The following EDC3 variants were observed in gnomAD, a reference collection of about 807,000 sequenced individuals.
EDC3 encodes enhancer of mRNA-decapping protein 3.
Under a neutral mutation model 41.8 loss-of-function variants are expected in EDC3, and 20 were observed. The ratio of observed to expected loss-of-function variants is 0.48; its 90% CI spans 0.34 to 0.70. EDC3 has a LOEUF of 0.70. Ranked by LOEUF, EDC3 falls within the 30% of genes least tolerant of loss-of-function variation. The pLI is 0.01. For synonymous variants in EDC3, 206 were observed against 243.2 expected (o/e 0.85, Z 1.42); for missense variants, 444 against 636.8 (o/e 0.70, Z 3.26).
At chr15:74,661,499 CA>C (rs1219102346) in intron 3 of EDC3, among the ~76,000 whole-genome samples, 4 of 151,872 alleles carry the variant, frequency 2.6e-5, no homozygotes, top group Non-Finnish European at 4.4e-5. Flanking sequence ...TACACACGGC[CA>C]GGGGTGGTGA....
chr15:74,635,164 T>G (rs1165623673), intron 6 of EDC3: 1 of 683,030 alleles, frequency 1.5e-6, no homozygotes, highest in Admixed American at 2.0e-5. Flanking sequence ...TCAGGAAGAG[T>G]GCCTGTTCAA....
chr15:74,657,787 G>GC (rs1336097026), intron 3 of EDC3, among the ~76,000 whole-genome samples: 1 of 152,184 alleles, frequency 6.6e-6, no homozygotes, highest in Non-Finnish European at 1.5e-5. Context: ...TACATTCTGA[G>GC]CCAGGTATAC....
intron 5 of EDC3, 144 bp downstream of exon 5, chr15:74,640,322 G>GA (rs2141582141): frequency 1.1e-6 from 1 of 921,714 alleles, no homozygotes; most frequent in East Asian, 2.5e-5. Flanking sequence ...CAGCATCCAG[G>GA]AAAGTGACTT....
chr15:74,670,998 A>C (rs1394671923), intron 3 of EDC3, among the ~76,000 whole-genome samples: 1 of 151,952 alleles, frequency 6.6e-6, no homozygotes, highest in East Asian at 1.9e-4. Context: ...CAACTCAAAC[A>C]CTACTACCAA....
At chr15:74,637,082 C>G (rs930172173) in intron 5 of EDC3, 9 of 152,148 alleles carry the variant, frequency 5.9e-5, no homozygotes, top group African/African-American at 2.2e-4. Flanking sequence ...AAACACAGGG[C>G]TATTATTTAG....
intron 4 of EDC3, among the ~76,000 whole-genome samples, chr15:74,652,386 C>T (rs1020464704): frequency 6.6e-6 from 1 of 152,074 alleles, no homozygotes; most frequent in East Asian, 1.9e-4. Context: ...CACCACCATG[C>T]CCGGCTCATT....
rs746653882 is a variant in EDC3, at chr15:74,675,068, A to G, written c.57T>C (p.Gly19=). 8.1e-6 allele frequency: 13 copies of G among 1,613,956 alleles called. No homozygotes were observed. Among genetic ancestry groups the G allele is most frequent in the Non-Finnish European group, 1.0e-5 (12 of 1,180,036 alleles). ...IVSINCGDSL[G]VYQGRVSAVD... ...CAGCTGACACTCTTCCCTGATAGACACCCAAGCTATCTCCACAATTGATGG... is the reference window on the plus strand; with the variant it reads ...CAGCTGACACTCTTCCCTGATAGACGCCCAAGCTATCTCCACAATTGATGG... The change falls in exon 2 of 7, where the codon GGT becomes GGC. Residue 19 remains glycine (G), a synonymous_variant. Transcript: ENST00000315127.
chr15:74,640,381 ATG>A (rs1352767307), intron 5 of EDC3, 83 bp downstream of exon 5: 23 of 1,444,024 alleles, frequency 1.6e-5, no homozygotes, highest in Non-Finnish European at 2.1e-5. Flanking sequence ...ATGAACTCGT[ATG>A]TGTGTATGGG....
At chr15:74,658,395 T>C (rs942469619) in intron 3 of EDC3, among the ~76,000 whole-genome samples, 3 of 152,082 alleles carry the variant, frequency 2.0e-5, no homozygotes, top group African/African-American at 7.2e-5. Context: ...TATAATCTTA[T>C]ACCATCATCT....
intron 3 of EDC3, among the ~76,000 whole-genome samples, chr15:74,664,420 G>A (rs972564093): frequency 1.3e-5 from 2 of 152,254 alleles, no homozygotes; most frequent in African/African-American, 4.8e-5. Flanking sequence ...CTGCAGGCTG[G>A]CTGCCTTCCT....
At chr15:74,692,354 T>G (rs2063017408) in intron 1 of EDC3, among the ~76,000 whole-genome samples, 1 of 152,156 alleles carries the variant, frequency 6.6e-6, no homozygotes. Flanking sequence ...CTAACTATAT[T>G]AAGAAATTGA....
chr15:74,656,020 C>A lies in EDC3; in HGVS notation c.533G>T (p.Gly178Val). 6.2e-7 allele frequency: 1 copy of A among 1,613,496 alleles called. No individual in the cohort carries two copies. Among genetic ancestry groups the A allele is most frequent in the Non-Finnish European group, 8.5e-7 (1 of 1,179,806 alleles). ...HPNQATPKKS[G>V]LKNGQMKNKD... ...ATTCTTCATCTGGCCATTCTTTAAA[C>A]CACTTTTCTTGGGAGTTGCCTGATT... Residue 178 changes from glycine to valine, a missense_variant, in exon 4 of 7, where the codon GGT becomes GTT. Gly to Val is a moderately radical substitution (Grantham distance 109). Around this residue, in one of 3 missense-constraint regions of EDC3, gnomAD observed 200 missense variants for 244.0 expected, o/e 0.82. Coordinates refer to ENST00000315127, the MANE Select transcript of EDC3 (RefSeq NM_025083.5).
intron 3 of EDC3, among the ~76,000 whole-genome samples, chr15:74,657,879 TTA>T (rs2062569993): frequency 6.6e-6 from 1 of 152,198 alleles, no homozygotes; most frequent in East Asian, 1.9e-4. Context: ...TCTCAGAATT[TTA>T]TCTCTTGTGG....
At chr15:74,681,811 A>G (rs74531886) in intron 1 of EDC3, among the ~76,000 whole-genome samples, 3,715 of 152,328 alleles carry the variant, frequency 0.024, 145 homozygotes, top group African/African-American at 0.086. Flanking sequence ...TAGAAAAAAC[A>G]TAAGAGAAAC....
Position 74,662,572 on chromosome 15 carries a change from G to T in EDC3, c.485-6504C>A, listed in dbSNP as rs1157715003. On this transcript the variant is annotated intron_variant, in intron 3 of 6. Transcript: ENST00000315127. ...CCAACTTTGTTACATGACTGAAAAG[G>T]CCAGGAAGATAAAGTTGTTGACAAT... Among the ~76,000 whole-genome samples, 4 of 152,138 alleles carry T rather than the reference G, an allele frequency of 2.6e-5. No individual in the cohort carries two copies. The East Asian group carries it at 5.8e-4, about 22-fold the overall frequency.
In EDC3 at chr15:74,632,330, C is replaced by T. The variant is rs571938003; in HGVS notation, c.*282G>A. 6 of 491,506 alleles carry T rather than the reference C, an allele frequency of 1.2e-5. No homozygotes were observed. In the East Asian group the frequency reaches 1.5e-4, roughly 12 times the overall value. The allele number at this position is 491,506 out of a possible 1,614,324, so 30.4% of individuals were successfully genotyped here. ...GAAACACAGTCTTGAGAGCTGCCTA[C>T]GGCTGTAAACAAAGGCCCACCTGGC... is the stretch of plus-strand genomic sequence containing the variant. On this transcript the variant is annotated 3_prime_UTR_variant, in exon 7 of 7. Coordinates refer to ENST00000315127, the MANE Select transcript of EDC3 (RefSeq NM_025083.5). This position sits in a 1 kb window ranked among gnomAD's most constrained non-coding sequence, Gnocchi z 4.0.
chr15:74,677,359 C>CTTT lies in EDC3; in HGVS notation c.-18-2220_-18-2218dup, dbSNP rs747397931. ...ACAGGCGTGAGCCACCATGCCCAGC[C>CTTT]TTTTTTTTTTTTTTTTTTTTGGAGA... On this transcript the variant is annotated intron_variant, in intron 1 of 6. Coordinates refer to ENST00000315127, the MANE Select transcript of EDC3 (RefSeq NM_025083.5). Among the ~76,000 whole-genome samples, 9 of 111,348 alleles carry CTTT rather than the reference C, an allele frequency of 8.1e-5. 1 individual carries two copies. Among genetic ancestry groups the CTTT allele is most frequent in the African/African-American group, 2.0e-4 (6 of 29,372 alleles). 73.0% of individuals were successfully genotyped at this position (111,348 alleles called of 152,430 possible).
In EDC3 at chr15:74,668,769, G is replaced by C. The variant is rs1477320588; in HGVS notation, c.484+2686C>G. Among the ~76,000 whole-genome samples, 24 of 74,418 alleles carry C rather than the reference G, an allele frequency of 3.2e-4. No homozygotes were observed. The Admixed American group carries it at 4.1e-3, about 13-fold the overall frequency. 48.8% of individuals were successfully genotyped at this position (74,418 alleles called of 152,430 possible). ...AAGAAAGAAAGAAAGAAAGAAAAAGGTTAAAGTCTAAATGGAAAGAATCAT... is the reference window on the plus strand; with the variant it reads ...AAGAAAGAAAGAAAGAAAGAAAAAGCTTAAAGTCTAAATGGAAAGAATCAT... On this transcript the variant is annotated intron_variant, in intron 3 of 6. Transcript: ENST00000315127.
intron 3 of EDC3, among the ~76,000 whole-genome samples, chr15:74,656,929 G>A (rs796467750): frequency 7.2e-5 from 11 of 152,304 alleles, no homozygotes; most frequent in African/African-American, 2.6e-4. Context: ...GAATTTGGCT[G>A]GAGACAGCCA....
Sources: gnomAD v4.1 joint callset for allele counts (sites outside exome capture counted in the v4.1 genomes callset) on GRCh38, gnomAD v4.1.1 for gene constraint, gnomAD v4.1.1 regional missense constraint, Gnocchi (gnomAD v3.1) non-coding constraint, MANE v1.5 for transcripts, NCBI Gene and HGNC (gene_info 2026-07-23, HGNC 2026-07-21) for gene names.